The following UNC5D variants were observed in gnomAD, a reference collection of about 807,000 sequenced individuals.
The protein encoded by UNC5D is unc-5 netrin receptor D.
Under a neutral mutation model 105.4 loss-of-function variants are expected in UNC5D, and 39 were observed. The observed-to-expected ratio is 0.37, with a 90% CI of 0.29 to 0.48. UNC5D has a LOEUF of 0.48. Among genes scored for constraint, UNC5D ranks in the 20% least tolerant of loss-of-function variants. The pLI, the probability that UNC5D is intolerant of heterozygous loss-of-function variation, is 0.98. For missense variants in UNC5D, 991 were observed against 1,202.4 expected (o/e 0.82, Z 2.60); for synonymous variants, 452 against 450.4 (o/e 1.00, Z -0.04).
chr8:35,335,607 T>C (rs550878328), intron 1 of UNC5D, among the ~76,000 whole-genome samples: 17 of 152,140 alleles, frequency 1.1e-4, no homozygotes, highest in Non-Finnish European at 2.4e-4. Context: ...GATAAATGAT[T>C]GTTTCAAGGC....
rs540099787 is a variant in UNC5D at position 35,686,677 on chromosome 8, C to A, written c.1052C>A (p.Ser351Tyr). ...TTCTGTGAAGGTCTAAGCCAGGAAT[C>A]TGAAAACTGCACAGATGGTCTTTGC... ...GKFCEGLSQESENCTDGLCIL... is the reference protein window; with the variant it reads ...GKFCEGLSQEYENCTDGLCIL... The change falls in exon 7 of 17, where the codon TCT (serine) becomes TAT (tyrosine). Residue 351 changes from serine (S) to tyrosine (Y), a missense_variant. By Grantham distance (144) the Ser-to-Tyr change is moderately radical. Coordinates refer to ENST00000404895, the MANE Select transcript of UNC5D (RefSeq NM_080872.4). 1.1e-5 allele frequency: 17 copies of A among 1,603,618 alleles called. No individual in the cohort carries two copies. In the East Asian group the frequency reaches 3.6e-4, roughly 34 times the overall value.
intron 1 of UNC5D, among the ~76,000 whole-genome samples, chr8:35,261,550 A>G (rs369757430): frequency 6.6e-6 from 1 of 152,078 alleles, no homozygotes; most frequent in Non-Finnish European, 1.5e-5. Flanking sequence ...GCTATTTCTC[A>G]ATGGGAGACT....
intron 1 of UNC5D, among the ~76,000 whole-genome samples, chr8:35,462,249 A>C (rs1338097123): frequency 6.6e-6 from 1 of 152,108 alleles, no homozygotes; most frequent in East Asian, 1.9e-4. Flanking sequence ...AGTTAATTAA[A>C]TTGCTCAAAT....
intron 1 of UNC5D, among the ~76,000 whole-genome samples, chr8:35,356,272 C>A (rs938206400): frequency 1.3e-5 from 2 of 152,080 alleles, no homozygotes; most frequent in African/African-American, 4.8e-5. Flanking sequence ...TGATAAAATT[C>A]TCTTTAAACA....
intron 8 of UNC5D, among the ~76,000 whole-genome samples, chr8:35,721,082 A>C (rs978311292): frequency 2.0e-5 from 3 of 152,204 alleles, no homozygotes; most frequent in Non-Finnish European, 2.9e-5. Flanking sequence ...CACAATTACA[A>C]GGTAAATATA....
rs372245724 is a variant in UNC5D, at chr8:35,407,112, C to T, written c.104-142180C>T. 2.6e-5 allele frequency among the ~76,000 whole-genome samples: 4 copies of T among 152,140 alleles called. No individual in the cohort carries two copies. In the East Asian group the frequency reaches 7.7e-4, roughly 29 times the overall value. On this transcript the variant is annotated intron_variant, in intron 1 of 16. Transcript: ENST00000404895. ...ATATGTTTATATACACAAATACTTA[C>T]CATTGTGTTATGGCTGCTTAAGGTA... is the stretch of plus-strand genomic sequence containing the variant.
chr8:35,675,282 T>C (rs767653998), intron 4 of UNC5D, among the ~76,000 whole-genome samples: 6 of 152,198 alleles, frequency 3.9e-5, no homozygotes, highest in Non-Finnish European at 7.3e-5. Context: ...TTTGAAATGT[T>C]CTCATATGTG....
chr8:35,708,307 T>A (rs183310430), intron 8 of UNC5D, among the ~76,000 whole-genome samples: 1 of 152,110 alleles, frequency 6.6e-6, no homozygotes, highest in African/African-American at 2.4e-5. Context: ...CTGGGGAAAA[T>A]ATGTGCACTG....
chr8:35,472,547 C>A (rs1212510528), intron 1 of UNC5D, among the ~76,000 whole-genome samples: 3 of 152,096 alleles, frequency 2.0e-5, no homozygotes, highest in Non-Finnish European at 2.9e-5. Context: ...TCAAGACTGA[C>A]AAGAATGATA....
At chr8:35,683,764 G>A in intron 5 of UNC5D, 37 bp downstream of exon 5, 1 of 1,444,646 alleles carries the variant, frequency 6.9e-7, no homozygotes, top group Non-Finnish European at 9.1e-7. Context: ...GGATAGGGAG[G>A]GCAGAAAGAG....
At chr8:35,289,391 A>C (rs971647608) in intron 1 of UNC5D, among the ~76,000 whole-genome samples, 2 of 152,232 alleles carry the variant, frequency 1.3e-5, no homozygotes, top group Non-Finnish European at 2.9e-5. Context: ...GGACAGATAG[A>C]TTGCAATACT....
chr8:35,749,989 T>TAA (rs11380512), intron 12 of UNC5D, among the ~76,000 whole-genome samples: 242 of 136,866 alleles, frequency 1.8e-3, no homozygotes, highest in East Asian at 3.9e-3. Flanking sequence ...GAAATAGTTG[T>TAA]AAAAAAAAAA....
chr8:35,414,061 C>T (rs185170785), intron 1 of UNC5D, among the ~76,000 whole-genome samples: 1 of 152,098 alleles, frequency 6.6e-6, no homozygotes, highest in African/African-American at 2.4e-5. Flanking sequence ...TTCTGAAGCT[C>T]TCTAGGTTGT....
intron 16 of UNC5D, among the ~76,000 whole-genome samples, chr8:35,783,207 T>A (rs1802588128): frequency 6.6e-6 from 1 of 152,052 alleles, no homozygotes; most frequent in Non-Finnish European, 1.5e-5. Flanking sequence ...TTTAAACAGT[T>A]AAACTTGCTG....
In UNC5D at chr8:35,235,687, A is replaced by T. The variant is rs1385102195; in HGVS notation, c.-98A>T. The T allele has an allele frequency of 3.1e-5, 28 of 889,138 alleles. No individual in the cohort carries two copies. The highest frequency in any genetic ancestry group is 4.0e-5 in the Non-Finnish European group (27 of 677,394). 55.1% of individuals were successfully genotyped at this position (889,138 alleles called of 1,614,324 possible). ...CGTGGAGCAGAGTCACTCTCTGAAG[A>T]CTCCCGAGACCCATTCGACTCGGGA... On this transcript the variant is annotated 5_prime_UTR_variant, in exon 1 of 17. Coordinates refer to ENST00000404895, the MANE Select transcript of UNC5D (RefSeq NM_080872.4).
At chr8:35,730,756 T>C (rs960414368) in intron 10 of UNC5D, among the ~76,000 whole-genome samples, 1 of 151,088 alleles carries the variant, frequency 6.6e-6, no homozygotes, top group African/African-American at 2.5e-5. Flanking sequence ...AAAGAATTAA[T>C]GCTGGGATGA....
At chr8:35,263,981 C>T (rs1345282045) in intron 1 of UNC5D, among the ~76,000 whole-genome samples, 1 of 152,082 alleles carries the variant, frequency 6.6e-6, no homozygotes, top group Non-Finnish European at 1.5e-5. Flanking sequence ...TAATTAATAC[C>T]AGTATTTATT....
chr8:35,359,926 T>C (rs1457999815), intron 1 of UNC5D, among the ~76,000 whole-genome samples: 3 of 152,174 alleles, frequency 2.0e-5, no homozygotes, highest in African/African-American at 7.2e-5. Context: ...ACTGGACCAT[T>C]CTGACAATGG....
At chr8:35,314,274 C>T (rs936512646) in intron 1 of UNC5D, among the ~76,000 whole-genome samples, 3 of 152,068 alleles carry the variant, frequency 2.0e-5, no homozygotes, top group African/African-American at 4.8e-5. Context: ...ATATTTCGAT[C>T]GAAACGAACA....
Sources: gnomAD v4.1 joint callset for allele counts (sites outside exome capture counted in the v4.1 genomes callset) on GRCh38, gnomAD v4.1.1 for gene constraint, MANE v1.5 for transcripts, NCBI Gene and HGNC (gene_info 2026-07-23, HGNC 2026-07-21) for gene names.